Variants in MMS22L observed in about 807,000 individuals in gnomAD.
MMS22L encodes the protein protein MMS22-like.
In MMS22L, 74 loss-of-function variants were observed where a neutral mutation model predicts 159.1. The observed-to-expected ratio is 0.47, with a 90% confidence interval of 0.39 to 0.56. The LOEUF is 0.56. Among genes scored for constraint, MMS22L ranks in the 20% least tolerant of loss-of-function variants. The probability of loss-of-function intolerance (pLI) is 0.00; values close to 1 mark genes in which losing one functional copy is unlikely to be tolerated. For synonymous variants in MMS22L, 517 were observed against 506.9 expected (o/e 1.02, Z -0.27); for missense variants, 1,351 against 1,422.1 (o/e 0.95, Z 0.80).
chr6:97,146,867 A>G lies in MMS22L; in HGVS notation c.3671T>C (p.Leu1224Ser). 6.4e-7 allele frequency: 1 copy of G among 1,557,788 alleles called. No individual in the cohort carries two copies. Among genetic ancestry groups the G allele is most frequent in the African/African-American group, 1.4e-5 (1 of 70,396 alleles). Residue 1224 changes from leucine to serine, a missense_variant, in exon 25 of 25, where the codon TTG becomes TCG. By Grantham distance (145) the Leu-to-Ser change is moderately radical. Transcript: ENST00000683635. ...TTGTCCCATCTGTCCAAGGTGAGAC[A>G]AAAGTTTGCTATAGGCTTCCCTGTT... The part of the protein sequence containing the change: ...IAQREAYSKL[L>S]SHLGQMGQDE...
intron 23 of MMS22L, 64 bp from the exon 24 acceptor site, chr6:97,150,084 T>C: frequency 7.3e-7 from 1 of 1,372,142 alleles, no homozygotes; most frequent in Non-Finnish European, 1.0e-6. Context: ...GGTATCTACG[T>C]GGCAATCAAC....
At chr6:97,190,322 AAT>A (rs1805735767) in intron 14 of MMS22L, among the ~76,000 whole-genome samples, 1 of 152,204 alleles carries the variant, frequency 6.6e-6, no homozygotes, top group African/African-American at 2.4e-5. Context: ...TAAAAGGAAA[AAT>A]ATGTGATTTC....
intron 14 of MMS22L, among the ~76,000 whole-genome samples, chr6:97,222,107 C>CTCATG (rs1809720369): frequency 6.6e-6 from 1 of 151,990 alleles, no homozygotes; most frequent in South Asian, 2.1e-4. Context: ...AGGCAATCCC[C>CTCATG]AGTTCTCTTA....
chr6:97,219,574 T>C (rs1384397482), intron 14 of MMS22L, among the ~76,000 whole-genome samples: 1 of 152,216 alleles, frequency 6.6e-6, no homozygotes, highest in Non-Finnish European at 1.5e-5. Context: ...CAGATGTTCA[T>C]GGAAATCCTA....
intron 11 of MMS22L, among the ~76,000 whole-genome samples, chr6:97,241,815 T>C (rs1812107333): frequency 6.6e-6 from 1 of 152,234 alleles, no homozygotes; most frequent in Non-Finnish European, 1.5e-5. Flanking sequence ...ACTATTACTA[T>C]TCAGTTCAAA....
intron 14 of MMS22L, among the ~76,000 whole-genome samples, chr6:97,213,627 C>T (rs533554355): frequency 6.6e-6 from 1 of 152,158 alleles, no homozygotes; most frequent in South Asian, 2.1e-4. Context: ...ACATATAATT[C>T]TGTATTATTT....
intron 21 of MMS22L, among the ~76,000 whole-genome samples, chr6:97,164,001 T>A (rs997633860): frequency 1.3e-5 from 2 of 152,030 alleles, no homozygotes; most frequent in South Asian, 4.1e-4. Context: ...GCAGGTTTAA[T>A]GGCAGGGAAG....
intron 14 of MMS22L, among the ~76,000 whole-genome samples, chr6:97,188,403 A>C (rs532616363): frequency 5.9e-5 from 9 of 152,322 alleles, no homozygotes; most frequent in African/African-American, 2.2e-4. Flanking sequence ...CGACCTCTAT[A>C]TATGTGCTAG....
chr6:97,257,950 G>A (rs80314701), intron 9 of MMS22L, among the ~76,000 whole-genome samples: 2,709 of 152,196 alleles, frequency 0.018, 82 homozygotes, highest in African/African-American at 0.061. Context: ...AGCATCCATT[G>A]AGGATTCTTG....
At position 97,190,957 on chromosome 6, in the gene MMS22L, C is replaced by T. The variant is rs746510592; in HGVS notation, c.2040-4267G>A. ...CATACCAATTATCCAGGTGTTCCTA[C>T]GCTTCTATTTTAGCTCAGTTACCCT... is the stretch of plus-strand genomic sequence containing the variant. On this transcript the variant is annotated intron_variant, in intron 14 of 24. Coordinates refer to ENST00000683635, the MANE Select transcript of MMS22L (RefSeq NM_001350599.2). 3.2e-4 allele frequency among the ~76,000 whole-genome samples: 49 copies of T among 152,274 alleles called. 1 individual carries two copies. Among genetic ancestry groups the T allele is most frequent in the Non-Finnish European group, 4.0e-4 (27 of 68,030 alleles).
chr6:97,209,730 A>G (rs1000793268), intron 14 of MMS22L, among the ~76,000 whole-genome samples: 8 of 151,996 alleles, frequency 5.3e-5, no homozygotes, highest in African/African-American at 1.9e-4. Context: ...TATTTAACTA[A>G]TACATATCTA....
rs752465365 is a variant in MMS22L at position 97,231,645 on chromosome 6, G to A, written c.1310C>T (p.Ser437Phe). 7.5e-6 allele frequency: 12 copies of A among 1,589,666 alleles called. No homozygotes were observed. The South Asian group carries it at 1.3e-4, about 18-fold the overall frequency. The change falls in exon 13 of 25, where the codon TCC becomes TTC. Residue 437 changes from serine to phenylalanine, a missense_variant. By Grantham distance (155) the Ser-to-Phe change is radical. Coordinates refer to ENST00000683635, the MANE Select transcript of MMS22L (RefSeq NM_001350599.2). ...WEYYSKNLNS[S>F]FSISWLPFKG... is the part of the protein sequence containing the mutation. ...AAAAGGAAGCCAAGAAATACTGAAGGAACTATTCTAAAAGGGGGGAAAAAA... is the reference window on the plus strand; with the variant it reads ...AAAAGGAAGCCAAGAAATACTGAAGAAACTATTCTAAAAGGGGGGAAAAAA...
intron 18 of MMS22L, among the ~76,000 whole-genome samples, chr6:97,175,787 T>C (rs1804053249): frequency 6.6e-6 from 1 of 152,224 alleles, no homozygotes; most frequent in Non-Finnish European, 1.5e-5. Context: ...TCTTGAAAGC[T>C]TGAATTATAT....
chr6:97,217,335 T>A (rs1809123782), intron 14 of MMS22L, among the ~76,000 whole-genome samples: 2 of 152,148 alleles, frequency 1.3e-5, no homozygotes, highest in Non-Finnish European at 2.9e-5. Flanking sequence ...AGTCTCCACC[T>A]CCCAGGTTCA....
chr6:97,266,138 T>C (rs1451785760), intron 8 of MMS22L: 1 of 152,152 alleles, frequency 6.6e-6, no homozygotes, highest in Admixed American at 6.5e-5. Context: ...AAACCTGTTA[T>C]AATGGCTATT....
chr6:97,168,029 A>G (rs1298393935), intron 20 of MMS22L, 42 bp downstream of exon 20: 1 of 1,481,266 alleles, frequency 6.8e-7, no homozygotes, highest in Non-Finnish European at 9.1e-7. Flanking sequence ...CAAAGTTTCA[A>G]TATTTTTTTT....
chr6:97,193,956 T>A (rs1389436026), intron 14 of MMS22L, among the ~76,000 whole-genome samples: 1 of 152,020 alleles, frequency 6.6e-6, no homozygotes, highest in African/African-American at 2.4e-5. Context: ...AGAGACGGGG[T>A]TTCACCGTGT....
Position 97,273,049 on chromosome 6 carries a change from A to C in MMS22L, c.354T>G (p.Thr118=). The C allele has an allele frequency of 6.2e-7, 1 of 1,606,652 alleles. No individual in the cohort carries two copies. The highest frequency in any genetic ancestry group is 8.5e-7 in the Non-Finnish European group (1 of 1,178,248). ...TAATATTGTCTGCTTTGCAGTGTAG[A>C]GTTGATACCTTCCCTGAAACCAAAA... ...QSSCDFGKVS[T]LHCKADNIRQ... Residue 118 remains threonine, a synonymous_variant, in exon 5 of 25, where the codon ACT becomes ACG. Coordinates refer to ENST00000683635, the MANE Select transcript of MMS22L (RefSeq NM_001350599.2).
At chr6:97,233,739 C>A in intron 12 of MMS22L, 122 bp downstream of exon 12, 1 of 1,071,732 alleles carries the variant, frequency 9.3e-7, no homozygotes, top group Non-Finnish European at 1.3e-6. Context: ...CCAATCTACT[C>A]TGAAAAAAAT....
Sources: allele counts gnomAD v4.1 joint callset (sites outside exome capture counted in the v4.1 genomes callset), GRCh38; gene constraint gnomAD v4.1.1; transcripts MANE v1.5; gene names NCBI Gene and HGNC (gene_info 2026-07-23, HGNC 2026-07-21).